ATP2A2: variants seen among roughly 807,000 people sequenced by gnomAD.
ATP2A2 encodes sarcoplasmic/endoplasmic reticulum calcium ATPase 2.
In ATP2A2, 14 loss-of-function variants were observed where a neutral mutation model predicts 109.3. That is an observed-to-expected ratio of 0.13 (90% CI 0.08 to 0.20). ATP2A2 has a LOEUF of 0.20. Among genes scored for constraint, ATP2A2 ranks in the 10% least tolerant of loss-of-function variants. The pLI is 1.00. For synonymous variants in ATP2A2, 506 were observed against 490.9 expected, an observed-to-expected ratio of 1.03 and a Z score of -0.41; for missense variants, 657 against 1,321.6, an observed-to-expected ratio of 0.50 and a Z score of 7.80.
At chr12:110,314,010 C>T (rs1053851210) in intron 5 of ATP2A2, among the ~76,000 whole-genome samples, 8 of 151,502 alleles carry the variant, frequency 5.3e-5, no homozygotes, top group South Asian at 2.1e-4. Flanking sequence ...CCACTGTGCC[C>T]GGCCGATAAT....
chr12:110,305,840 A>G (rs1456079878), intron 5 of ATP2A2, among the ~76,000 whole-genome samples: 2 of 150,710 alleles, frequency 1.3e-5, no homozygotes, highest in Non-Finnish European at 2.9e-5. Context: ...CGTAATATCA[A>G]GTCTTTGGAT....
intron 11 of ATP2A2, among the ~76,000 whole-genome samples, chr12:110,337,658 A>G (rs893173458): frequency 3.9e-5 from 6 of 152,212 alleles, no homozygotes; most frequent in African/African-American, 7.2e-5. Flanking sequence ...GGGGATTTCT[A>G]TGATGATTTT....
intron 5 of ATP2A2, among the ~76,000 whole-genome samples, chr12:110,306,247 G>A (rs1358856515): frequency 6.6e-6 from 1 of 152,186 alleles, no homozygotes; most frequent in Non-Finnish European, 1.5e-5. Context: ...CACCATGTTA[G>A]CCAGGATGGT....
intron 5 of ATP2A2, among the ~76,000 whole-genome samples, chr12:110,317,620 C>T (rs377250986): frequency 4.0e-4 from 61 of 151,750 alleles, no homozygotes; most frequent in African/African-American, 1.5e-3. Flanking sequence ...TCAAATGCTT[C>T]GTCCGCCTTG....
chr12:110,342,550 T>C lies in ATP2A2; in HGVS notation c.2318+102T>C, dbSNP rs1381141468. The C allele has an allele frequency of 1.5e-6, 2 of 1,364,290 alleles. No individual in the cohort carries two copies. Among genetic ancestry groups the C allele is most frequent in the Admixed American group, 3.9e-5 (2 of 51,180 alleles). 84.5% of individuals were successfully genotyped at this position (1,364,290 alleles called of 1,614,324 possible). ...TCTCCAGATTGCAGCAGCTTTGGTC[T>C]TTGTGCCTGAGTTGGAAGAGGGGAG... On this transcript the variant is annotated intron_variant, in intron 15 of 19. Coordinates refer to ENST00000539276, the MANE Select transcript of ATP2A2 (RefSeq NM_170665.4). This position sits in a 1 kb window ranked among gnomAD's most constrained non-coding sequence, Gnocchi z 4.6.
Position 110,308,639 on chromosome 12 carries a change from T to G in ATP2A2, c.463+11902T>G, listed in dbSNP as rs78501623. Among the ~76,000 whole-genome samples, 899 of 152,360 alleles carry G rather than the reference T, an allele frequency of 5.9e-3. 3 individuals are homozygous for G. The highest frequency in any genetic ancestry group is 0.021 in the African/African-American group (861 of 41,590). ...TTAAGACTATACACGTTGAGCCTTT[T>G]AAACTTCCACCTCTTTTAGAATTAG... On this transcript the variant is annotated intron_variant, in intron 5 of 19. Coordinates refer to ENST00000539276, the MANE Select transcript of ATP2A2 (RefSeq NM_170665.4).
chr12:110,314,554 TAGTTC>T (rs1876454901), intron 5 of ATP2A2, among the ~76,000 whole-genome samples: 1 of 152,208 alleles, frequency 6.6e-6, no homozygotes, highest in South Asian at 2.1e-4. Flanking sequence ...ATGATTCATT[TAGTTC>T]ATGGTATGGT....
intron 6 of ATP2A2, 104 bp downstream of exon 6, chr12:110,323,176 A>T: frequency 1.1e-6 from 1 of 881,678 alleles, no homozygotes; most frequent in Non-Finnish European, 1.9e-6. Flanking sequence ...ATCCCATCTT[A>T]ATCCTCTCTA....
In ATP2A2 at chr12:110,296,497, C is replaced by T; in HGVS notation, c.325-102C>T. ...AGTACAAATGTTACTGGTGGGCTTC[C>T]TTTCTTTTTAAAGATTAGACCTCTA... On this transcript the variant is annotated intron_variant, in intron 4 of 19. Coordinates refer to ENST00000539276, the MANE Select transcript of ATP2A2 (RefSeq NM_170665.4). 15 of 1,478,648 alleles carry T rather than the reference C, an allele frequency of 1.0e-5. No homozygotes were observed. In the South Asian group the frequency reaches 1.5e-4, roughly 15 times the overall value. The allele number at this position is 1,478,648 out of a possible 1,614,324, so 91.6% of individuals were successfully genotyped here.
At chr12:110,285,970 C>G (rs1033440068) in intron 3 of ATP2A2, among the ~76,000 whole-genome samples, 14 of 146,822 alleles carry the variant, frequency 9.5e-5, no homozygotes, top group Non-Finnish European at 2.1e-4. Context: ...GTTGCCCGGG[C>G]TGGAGCGCAG....
intron 5 of ATP2A2, among the ~76,000 whole-genome samples, chr12:110,306,063 G>A (rs778673112): frequency 8.5e-5 from 13 of 152,198 alleles, no homozygotes; most frequent in East Asian, 1.9e-4. Flanking sequence ...ACGGAGTCTC[G>A]CTCTTTCACC....
intron 5 of ATP2A2, among the ~76,000 whole-genome samples, chr12:110,311,325 T>C (rs2137767157): frequency 6.6e-6 from 1 of 152,232 alleles, no homozygotes; most frequent in South Asian, 2.1e-4. Flanking sequence ...TCCTCCTGCC[T>C]TAGCCTGTAA....
chr12:110,349,753 T>C lies in ATP2A2; in HGVS notation c.*3283T>C. On this transcript the variant is annotated 3_prime_UTR_variant, in exon 20 of 20. Transcript: ENST00000539276. ...AGAGCCAGCAGTTGCCCTGTGACTG[T>C]AACCACCAAATTGTCCAAACACCCG... The C allele has an allele frequency of 2.0e-6, 2 of 1,016,100 alleles. No individual in the cohort carries two copies. Among genetic ancestry groups the C allele is most frequent in the Non-Finnish European group, 2.4e-6 (2 of 847,188 alleles). 62.9% of individuals were successfully genotyped at this position (1,016,100 alleles called of 1,614,324 possible).
At chr12:110,331,472 T>G (rs1213946237) in intron 8 of ATP2A2, 1 of 152,110 alleles carries the variant, frequency 6.6e-6, no homozygotes, top group East Asian at 1.9e-4. Context: ...CCTGAGTAGC[T>G]GGGATTACAG....
At position 110,345,070 on chromosome 12, in the gene ATP2A2, G is replaced by A. The variant is rs115160950; in HGVS notation, c.2607+99G>A. The A allele has an allele frequency of 9.1e-3, 13,681 of 1,498,452 alleles. 72 individuals carry two copies. The highest frequency in any genetic ancestry group is 0.01 in the Non-Finnish European group (10,817 of 1,075,598). The allele number at this position is 1,498,452 out of a possible 1,614,324, so 92.8% of individuals were successfully genotyped here. On this transcript the variant is annotated intron_variant, in intron 17 of 19. Coordinates refer to ENST00000539276, the MANE Select transcript of ATP2A2 (RefSeq NM_170665.4). ...ATCTATCAAATCATCTTAAGACTCA[G>A]ACAATAAACAGTTACATCTAAGATG... is the stretch of plus-strand genomic sequence containing the variant.
At chr12:110,288,773 A>G (rs1035238512) in intron 3 of ATP2A2, among the ~76,000 whole-genome samples, 14 of 152,184 alleles carry the variant, frequency 9.2e-5, no homozygotes, top group Non-Finnish European at 1.5e-5. Flanking sequence ...AGTTCCTTGT[A>G]TAAGTATACT....
chr12:110,311,595 CAAAAAAAAAAAAAAAAAA>C (rs67023919), intron 5 of ATP2A2, among the ~76,000 whole-genome samples: 6 of 25,224 alleles, frequency 2.4e-4, no homozygotes. Context: ...GACTCCATCT[CAAAAAAAAAAAAAAAAAA>C]AAAAAAAAAC....
At chr12:110,325,609 C>G (rs1877710723) in intron 6 of ATP2A2, among the ~76,000 whole-genome samples, 1 of 147,872 alleles carries the variant, frequency 6.8e-6, no homozygotes, top group Non-Finnish European at 1.5e-5. Flanking sequence ...GCCTGGGCAA[C>G]AAAGCAAGAC....
intron 3 of ATP2A2, among the ~76,000 whole-genome samples, chr12:110,290,290 C>G (rs1355763388): frequency 6.6e-6 from 1 of 152,112 alleles, no homozygotes; most frequent in Non-Finnish European, 1.5e-5. Flanking sequence ...CTGCCTTGGC[C>G]TCCCAAAGTG....
Sources: gnomAD v4.1 joint callset for allele counts (sites outside exome capture counted in the v4.1 genomes callset) on GRCh38, gnomAD v4.1.1 for gene constraint, Gnocchi (gnomAD v3.1) non-coding constraint, MANE v1.5 for transcripts, NCBI Gene and HGNC (gene_info 2026-07-23, HGNC 2026-07-21) for gene names.